The following MUC5B variants were observed in gnomAD, a reference collection of about 807,000 sequenced individuals.
MUC5B encodes the protein mucin 5B, oligomeric mucus/gel-forming, also known as mucin-5B.
MUC5B carries 116 observed loss-of-function variants against 376.9 expected under a neutral mutation model. The ratio of observed to expected loss-of-function variants is 0.31; its 90% CI spans 0.26 to 0.36. MUC5B has a LOEUF of 0.36. MUC5B is among the 10% of genes least tolerant of loss of function. MUC5B has a pLI of 1.00. For synonymous variants in MUC5B, 3,517 were observed against 3,390.9 expected (o/e 1.04, Z -1.29); for missense variants, 7,165 against 7,769.9 (o/e 0.92, Z 2.93).
rs370364390 is a variant in MUC5B at position 1,242,222 on chromosome 11, C to T, written c.5342C>T (p.Thr1781Met). 48 of 1,613,614 alleles carry T rather than the reference C, an allele frequency of 3.0e-5. No homozygotes were observed. The highest frequency in any genetic ancestry group is 2.7e-4 in the East Asian group (12 of 44,898). Residue 1781 changes from threonine (T) to methionine (M), a missense_variant, in exon 31 of 49, where the codon ACG (threonine) becomes ATG (methionine). Physicochemically the swap from Thr to Met is moderately conservative, Grantham distance 81 (BLOSUM62 -1). Transcript: ENST00000529681. Reference protein sequence around the residue: ...PLTNTTTSQGTTRCQPKCEWT... With the variant: ...PLTNTTTSQGMTRCQPKCEWT... ...ACTAACACCACCACCAGCCAGGGCA[C>T]GACCCGCTGTCAACCGAAGTGTGAG... is the stretch of plus-strand genomic sequence containing the variant.
At position 1,240,991 on chromosome 11, in the gene MUC5B, G is replaced by A. The variant is rs373814181; in HGVS notation, c.4111G>A (p.Val1371Ile). ...FENLRQRGYQ[V>I]CPVLADIECR... ...AAACCTGAGGCAGAGAGGGTACCAGGTATGCCCTGTGCTGGCTGACATCGA... is the reference window on the plus strand; with the variant it reads ...AAACCTGAGGCAGAGAGGGTACCAGATATGCCCTGTGCTGGCTGACATCGA... Residue 1371 changes from valine (V) to isoleucine (I), a missense_variant, in exon 31 of 49, where the codon GTA becomes ATA. Val to Ile is a conservative substitution (Grantham distance 29, BLOSUM62 3). Around this residue, in one of 31 missense-constraint regions of MUC5B, gnomAD observed 517 missense variants for 545.3 expected, o/e 0.95. Transcript: ENST00000529681. 1.2e-6 allele frequency: 2 copies of A among 1,613,386 alleles called. No individual in the cohort carries two copies. Among genetic ancestry groups the A allele is most frequent in the African/African-American group, 1.3e-5 (1 of 75,070 alleles).
At position 1,251,606 on chromosome 11, in the gene MUC5B, T is replaced by A; in HGVS notation, c.14726T>A (p.Leu4909His). ...GGGACCACCCGCACCCCTGCAGTGC[T>A]CCCCAGCAGCCTGCCAACCTTCAGC... Reference protein sequence around the residue: ...TVGTTRTPAVLPSSLPTFSVS... With the variant: ...TVGTTRTPAVHPSSLPTFSVS... Residue 4909 changes from leucine (L) to histidine (H), a missense_variant, in exon 31 of 49, where the codon CTC becomes CAC. Physicochemically the swap from Leu to His is moderately conservative, Grantham distance 99. Coordinates refer to ENST00000529681, the MANE Select transcript of MUC5B (RefSeq NM_002458.3). 1 of 1,612,942 alleles carries A rather than the reference T, an allele frequency of 6.2e-7. No homozygotes were observed.
In MUC5B at chr11:1,254,762, GACC is replaced by G. The variant is rs1862790787; in HGVS notation, c.15554_15556del (p.Thr5185del). ...ACGGCGTGCTTGTGTCTGTGCTGGG[GACC>G]ACCACCATGCGTGTGGACATTCCTG... is the stretch of plus-strand genomic sequence containing the variant. On this transcript the variant is annotated inframe_deletion, in exon 35 of 49. Coordinates refer to ENST00000529681, the MANE Select transcript of MUC5B (RefSeq NM_002458.3). 1.2e-6 allele frequency: 2 copies of G among 1,612,818 alleles called. No individual in the cohort carries two copies. The highest frequency in any genetic ancestry group is 2.2e-5 in the South Asian group (2 of 91,084).
At chr11:1,251,889 G>T in intron 31 of MUC5B, 146 bp downstream of exon 31, 2 of 655,980 alleles carry the variant, frequency 3.0e-6, no homozygotes, top group East Asian at 2.7e-5. Flanking sequence ...GGCCACACTG[G>T]GTCCCCACTG....
At position 1,247,232 on chromosome 11, in the gene MUC5B, C is replaced by A; in HGVS notation, c.10352C>A (p.Thr3451Lys). 2.5e-6 allele frequency: 4 copies of A among 1,605,914 alleles called. No homozygotes were observed. In the South Asian group the frequency reaches 4.4e-5, roughly 18 times the overall value. ...CACACACCCCCAGTGCCGAACACCA[C>A]GGCCACCACACACGGGCGGTCCCTG... ...TTHTPPVPNT[T>K]ATTHGRSLPP... Residue 3451 changes from threonine (T) to lysine (K), a missense_variant, in exon 31 of 49, where the codon ACG (threonine) becomes AAG (lysine). Coordinates refer to ENST00000529681, the MANE Select transcript of MUC5B (RefSeq NM_002458.3).
chr11:1,236,992 G>T lies in MUC5B; in HGVS notation c.3125G>T (p.Arg1042Leu). The change falls in exon 25 of 49, where the codon CGG (arginine) becomes CTG (leucine). Residue 1042 changes from arginine to leucine, a missense_variant. By Grantham distance (102) the Arg-to-Leu change is moderately radical (BLOSUM62 -2). Coordinates refer to ENST00000529681, the MANE Select transcript of MUC5B (RefSeq NM_002458.3). ...ATCAATGACTTTGCCACGCGTAGCC[G>T]GTCCGTGGTGGGGGACGCACTGGAG... ...NAINDFATRS[R>L]SVVGDALEFG... is the part of the protein sequence containing the mutation. 6.4e-7 allele frequency: 1 copy of T among 1,569,598 alleles called. No homozygotes were observed. The highest frequency in any genetic ancestry group is 1.4e-5 in the African/African-American group (1 of 73,508).
In MUC5B at chr11:1,244,410, C is replaced by G; in HGVS notation, c.7530C>G (p.Ala2510=). ...ATTPTVTSSK[A]TPFSSPGTAT... Reference sequence around the variant, plus strand: ...CACCCACAGTCACCAGCTCCAAAGCCACTCCCTTCTCCAGTCCAGGGACTG... The same window carrying G: ...CACCCACAGTCACCAGCTCCAAAGCGACTCCCTTCTCCAGTCCAGGGACTG... The change falls in exon 31 of 49, where the codon GCC becomes GCG. Residue 2510 remains alanine, a synonymous_variant. Transcript: ENST00000529681. 1.2e-6 allele frequency: 2 copies of G among 1,600,132 alleles called. No individual in the cohort carries two copies. The highest frequency in any genetic ancestry group is 2.2e-5 in the South Asian group (2 of 90,628).
At position 1,242,778 on chromosome 11, in the gene MUC5B, A is replaced by G; in HGVS notation, c.5898A>G (p.Pro1966=). The G allele has an allele frequency of 6.2e-7, 1 of 1,613,380 alleles. No individual in the cohort carries two copies. Among genetic ancestry groups the G allele is most frequent in the Middle Eastern group, 1.6e-4 (1 of 6,062 alleles). The stretch of plus-strand genomic sequence containing the variant: ...GTCCAGGGACTGCAACCGCCCTTCC[A>G]GCACTGAGAAGCACAGCCACCACAC... ...SSSPGTATAL[P]ALRSTATTPT... Residue 1966 remains proline, a synonymous_variant, in exon 31 of 49, where the codon CCA becomes CCG. Transcript: ENST00000529681.
chr11:1,226,420 C>T, intron 3 of MUC5B, 144 bp downstream of exon 3: 2 of 1,292,498 alleles, frequency 1.5e-6, no homozygotes, highest in Non-Finnish European at 2.2e-6. Flanking sequence ...CTCCTGGTCA[C>T]TGGCCACCCT....
At position 1,235,419 on chromosome 11, in the gene MUC5B, A is replaced by G. The variant is rs1299774326; in HGVS notation, c.2880+6A>G. 10 of 1,609,204 alleles carry G rather than the reference A, an allele frequency of 6.2e-6. No individual in the cohort carries two copies. Among genetic ancestry groups the G allele is most frequent in the Non-Finnish European group, 8.5e-6 (10 of 1,178,402 alleles). On this transcript the variant is annotated splice_donor_region_variant and intron_variant, in intron 23 of 48. Transcript: ENST00000529681. The stretch of plus-strand genomic sequence containing the variant: ...CCATCAAGCTCTTCGTGGAGGTGAG[A>G]ACGGCCCCAGCTGTGAGCACCCCCG...
At position 1,249,141 on chromosome 11, in the gene MUC5B, G is replaced by A. The variant is rs751851132; in HGVS notation, c.12261G>A (p.Pro4087=). 4.7e-5 allele frequency: 76 copies of A among 1,608,950 alleles called. No homozygotes were observed. Among genetic ancestry groups the A allele is most frequent in the East Asian group, 2.2e-4 (10 of 44,764 alleles). ...CCCCTTCCCCAGGGACGACCACCCCGGGCCACACCACGGCCACCTCCAGGA... is the reference window on the plus strand; with the variant it reads ...CCCCTTCCCCAGGGACGACCACCCCAGGCCACACCACGGCCACCTCCAGGA... ...ESPPSPGTTT[P]GHTTATSRTT... Residue 4087 remains proline (P), a synonymous_variant, in exon 31 of 49, where the codon CCG becomes CCA. Transcript: ENST00000529681.
intron 2 of MUC5B, 95 bp from the exon 3 acceptor site, chr11:1,226,110 A>C (rs1861873535): frequency 1.8e-5 from 24 of 1,309,092 alleles, no homozygotes; most frequent in Non-Finnish European, 2.5e-5. Flanking sequence ...CTCCCCTTCA[A>C]CTCTGGTGGC....
In MUC5B at chr11:1,261,851, G is replaced by A. The variant is rs1384177484; in HGVS notation, c.*243G>A. 2 of 691,438 alleles carry A rather than the reference G, an allele frequency of 2.9e-6. No individual in the cohort carries two copies. Among genetic ancestry groups the A allele is most frequent in the East Asian group, 5.5e-5 (2 of 36,558 alleles). 42.8% of individuals were successfully genotyped at this position (691,438 alleles called of 1,614,324 possible). ...CCTGGGAGAGCCTGTGGCCCACCTT[G>A]GCCTTGCCCCTCCCTGATGTCACTG... On this transcript the variant is annotated 3_prime_UTR_variant, in exon 49 of 49. Transcript: ENST00000529681.
rs2334757 is a variant in MUC5B, at chr11:1,247,701, A to C, written c.10821A>C (p.Ala3607=). Residue 3607 remains alanine (A), a synonymous_variant, in exon 31 of 49, where the codon GCA becomes GCC. Transcript: ENST00000529681. ...TYSNIRAAGG[A]VCEQPLGLEC... is the part of the protein sequence containing the mutation. ...CCAACATCCGTGCGGCCGGAGGGGC[A>C]GTCTGTGAGCAGCCCCTGGGCCTCG... 323,642 of 1,315,020 alleles carry C rather than the reference A, an allele frequency of 0.25. 96,956 individuals are homozygous for C. The highest frequency in any genetic ancestry group is 0.56 in the East Asian group (23,131 of 41,140). 81.5% of individuals were successfully genotyped at this position (1,315,020 alleles called of 1,614,324 possible). A position where few individuals can be genotyped will look rare whatever the true frequency, so the allele number is the denominator to read the frequency against.
rs563863915 is a variant in MUC5B at position 1,234,566 on chromosome 11, C to G, written c.2516C>G (p.Pro839Arg). 1 of 1,581,874 alleles carries G rather than the reference C, an allele frequency of 6.3e-7. No homozygotes were observed. The highest frequency in any genetic ancestry group is 2.3e-5 in the East Asian group (1 of 43,030). Reference sequence around the variant, plus strand: ...TGCGTGTCCGGCTGTGTCTGTCCCCCGGGGCTGGTGTCGGATGGGAGTGGG... The same window carrying G: ...TGCGTGTCCGGCTGTGTCTGTCCCCGGGGGCTGGTGTCGGATGGGAGTGGG... ...THCVSGCVCP[P>R]GLVSDGSGGC... Residue 839 changes from proline to arginine, a missense_variant, in exon 21 of 49, where the codon CCG becomes CGG. Pro to Arg is a moderately radical substitution (Grantham distance 103). Transcript: ENST00000529681. This position sits in a 1 kb window ranked among gnomAD's most constrained non-coding sequence, Gnocchi z 6.3.
chr11:1,229,815 T>G lies in MUC5B; in HGVS notation c.1220+8T>G. The stretch of plus-strand genomic sequence containing the variant: ...CACCACCTGCAGCTCCTGGTACTTA[T>G]GAGCCCACCAGCCTCCGCCTGGGGT... On this transcript the variant is annotated splice_region_variant and intron_variant, in intron 10 of 48. Transcript: ENST00000529681. 6.3e-7 allele frequency: 1 copy of G among 1,589,790 alleles called. No individual in the cohort carries two copies. Among genetic ancestry groups the G allele is most frequent in the Non-Finnish European group, 8.5e-7 (1 of 1,169,702 alleles).
chr11:1,225,301 C>T lies in MUC5B; in HGVS notation c.71-380C>T, dbSNP rs56402016. On this transcript the variant is annotated intron_variant, in intron 1 of 48. Transcript: ENST00000529681. ...GGGCGAAATCCCCCCTTGGGGCGGCCAACGCCTTTTCCTGATTCCATTTTC... is the reference window on the plus strand; with the variant it reads ...GGGCGAAATCCCCCCTTGGGGCGGCTAACGCCTTTTCCTGATTCCATTTTC... Among the ~76,000 whole-genome samples the T allele has an allele frequency of 1.1e-3, 172 of 152,376 alleles. 1 individual carries two copies. Among genetic ancestry groups the T allele is most frequent in the African/African-American group, 4.0e-3 (167 of 41,588 alleles).
chr11:1,229,289 C>A lies in MUC5B; in HGVS notation c.1096C>A (p.Pro366Thr). 1 of 1,573,982 alleles carries A rather than the reference C, an allele frequency of 6.4e-7. No individual in the cohort carries two copies. The highest frequency in any genetic ancestry group is 8.6e-7 in the Non-Finnish European group (1 of 1,164,522). ...CCACTGTGTGGACGGCTGCTTCTGC[C>A]CCCCAGGCAGGTCTTGTGTGCCCTG... ...EDHCVDGCFC[P>T]PGTVLDDITH... Residue 366 changes from proline (P) to threonine (T), a missense_variant, in exon 9 of 49, where the codon CCC (proline) becomes ACC (threonine). By Grantham distance (38) the Pro-to-Thr change is conservative (BLOSUM62 -1). This residue lies in a region of MUC5B where 640 missense variants were observed against 733.0 expected (regional missense o/e 0.87). Transcript: ENST00000529681.
At position 1,257,759 on chromosome 11, in the gene MUC5B, G is replaced by A; in HGVS notation, c.16450+49G>A. 6.7e-7 allele frequency: 1 copy of A among 1,501,632 alleles called. No individual in the cohort carries two copies. Among genetic ancestry groups the A allele is most frequent in the Non-Finnish European group, 8.9e-7 (1 of 1,126,148 alleles). 93.0% of individuals were successfully genotyped at this position (1,501,632 alleles called of 1,614,324 possible). On this transcript the variant is annotated intron_variant, in intron 41 of 48. Transcript: ENST00000529681. This position sits in a 1 kb window ranked among gnomAD's most constrained non-coding sequence, Gnocchi z 8.9. ...GCCCGGCATAGGGTGAGGGGGGACA[G>A]AGCCGGTGCCCACCAGGGGCCTGTG...
Sources: allele counts gnomAD v4.1 joint callset (sites outside exome capture counted in the v4.1 genomes callset), GRCh38; gene constraint gnomAD v4.1.1; regional missense constraint gnomAD v4.1.1; non-coding constraint Gnocchi (gnomAD v3.1); transcripts MANE v1.5; gene names NCBI Gene and HGNC (gene_info 2026-07-23, HGNC 2026-07-21).